Variants in GOLGA3 observed in about 807,000 individuals in gnomAD.
GOLGA3 encodes the protein golgin A3, also known as golgin subfamily A member 3.
Under a neutral mutation model 169.4 loss-of-function variants are expected in GOLGA3, and 75 were observed. The ratio of observed to expected loss-of-function variants is 0.44; its 90% CI spans 0.37 to 0.54. The LOEUF (loss-of-function observed/expected upper bound fraction) is 0.54. Ranked by LOEUF, GOLGA3 falls within the 20% of genes least tolerant of loss-of-function variation. The pLI is 0.00. For missense variants in GOLGA3, 1,899 were observed against 1,930.0 expected, an observed-to-expected ratio of 0.98 and a Z score of 0.30; for synonymous variants, 824 against 822.4, an observed-to-expected ratio of 1.00 and a Z score of -0.03.
chr12:132,774,668 A>C, intron 22 of GOLGA3: 1 of 401,154 alleles, frequency 2.5e-6, no homozygotes. Context: ...GAAATTAAGT[A>C]AGTTTTCCAG....
rs1555247700 is a variant in GOLGA3 at position 132,772,555 on chromosome 12, A to AAC, written c.*549_*550insGT. 2 of 151,842 alleles carry AAC rather than the reference A, an allele frequency of 1.3e-5. No individual in the cohort carries two copies. The highest frequency in any genetic ancestry group is 4.8e-5 in the African/African-American group (2 of 41,350). 9.4% of individuals were successfully genotyped at this position (151,842 alleles called of 1,614,324 possible). On this transcript the variant is annotated 3_prime_UTR_variant, in exon 24 of 24. Coordinates refer to ENST00000450791, the MANE Select transcript of GOLGA3 (RefSeq NM_001389683.1). ...CGAGACTCTGTCTCAAAAAAAAAAA[A>AAC]AAAAAAAAAACAAAGATTGGATTAT...
intron 1 of GOLGA3, among the ~76,000 whole-genome samples, chr12:132,825,189 G>A (rs553214883): frequency 5.9e-5 from 9 of 152,220 alleles, no homozygotes; most frequent in Middle Eastern, 3.4e-3. Context: ...GGAACCGACC[G>A]TGTGTGCCTA....
chr12:132,796,561 G>A lies in GOLGA3; in HGVS notation c.2078C>T (p.Ser693Phe). 3 of 1,612,040 alleles carry A rather than the reference G, an allele frequency of 1.9e-6. No individual in the cohort carries two copies. Among genetic ancestry groups the A allele is most frequent in the South Asian group, 1.1e-5 (1 of 91,066 alleles). ...TACCTGCTCCAGCTGCTGCTCCAGG[G>A]ATGCCGCCGAGTCCGCCATCCTCTG... ...RLQRMADSAA[S>F]LEQQLEQVKL... Residue 693 changes from serine (S) to phenylalanine (F), a missense_variant, in exon 10 of 24, where the codon TCC becomes TTC. Physicochemically the swap from Ser to Phe is radical, Grantham distance 155. Transcript: ENST00000450791.
At chr12:132,796,833 C>T in intron 9 of GOLGA3, 133 bp from the exon 10 acceptor site, 2 of 926,920 alleles carry the variant, frequency 2.2e-6, no homozygotes, top group Non-Finnish European at 3.3e-6. Context: ...TGTCTACCGA[C>T]TGCAGACTGA....
chr12:132,777,104 A>G lies in GOLGA3; in HGVS notation c.3723-14T>C, dbSNP rs1317279749. Reference sequence around the variant, plus strand: ...CCCTCCCGAATCCTAGCGTAAAAAAACAAGAAAGAAGGGAATCGCCACGCT... The same window carrying G: ...CCCTCCCGAATCCTAGCGTAAAAAAGCAAGAAAGAAGGGAATCGCCACGCT... On this transcript the variant is annotated splice_polypyrimidine_tract_variant and intron_variant, in intron 19 of 23. Transcript: ENST00000450791. This position sits in a 1 kb window ranked among gnomAD's most constrained non-coding sequence, Gnocchi z 4.7. 6.4e-6 allele frequency: 10 copies of G among 1,568,578 alleles called. No individual in the cohort carries two copies. The highest frequency in any genetic ancestry group is 8.6e-6 in the Non-Finnish European group (10 of 1,160,442).
At position 132,775,321 on chromosome 12, in the gene GOLGA3, T is replaced by C; in HGVS notation, c.3979-16A>G. 6.3e-7 allele frequency: 1 copy of C among 1,591,268 alleles called. No homozygotes were observed. Among genetic ancestry groups the C allele is most frequent in the Non-Finnish European group, 8.6e-7 (1 of 1,169,108 alleles). On this transcript the variant is annotated splice_polypyrimidine_tract_variant and intron_variant, in intron 21 of 23. Transcript: ENST00000450791. ...ACTTGACGTTCTGTGGAAAATGAAG[T>C]CAGATTTTTAAAAGCTAACAGATCT...
chr12:132,811,729 T>G, intron 4 of GOLGA3: 3 of 158,478 alleles, frequency 1.9e-5, no homozygotes, highest in Non-Finnish European at 2.7e-5. Flanking sequence ...CCCATAGTGC[T>G]GGGATTATAG....
chr12:132,784,332 C>T (rs1472639053), intron 15 of GOLGA3, 25 bp from the exon 16 acceptor site: 5 of 1,592,190 alleles, frequency 3.1e-6, no homozygotes, highest in Non-Finnish European at 4.3e-6. Flanking sequence ...GGAACGGGCG[C>T]TTGGTCATGG....
Position 132,772,961 on chromosome 12 carries a change from A to G in GOLGA3, c.*144T>C, listed in dbSNP as rs1338462628. On this transcript the variant is annotated 3_prime_UTR_variant, in exon 24 of 24. Coordinates refer to ENST00000450791, the MANE Select transcript of GOLGA3 (RefSeq NM_001389683.1). ...AATGTTTTTCTAGTCCTTGGCTCTC[A>G]TTCTGCTATATATTTTACTTCTTGT... The G allele has an allele frequency of 1.7e-6, 1 of 581,610 alleles. No homozygotes were observed. The highest frequency in any genetic ancestry group is 3.0e-6 in the Non-Finnish European group (1 of 334,838). 36.0% of individuals were successfully genotyped at this position (581,610 alleles called of 1,614,324 possible).
intron 8 of GOLGA3, among the ~76,000 whole-genome samples, chr12:132,799,832 C>T (rs1949043550): frequency 6.6e-6 from 1 of 152,068 alleles, no homozygotes; most frequent in Non-Finnish European, 1.5e-5. Flanking sequence ...CCTCTGCCTC[C>T]TGGATTCAAG....
chr12:132,821,408 GA>G (rs34162286), intron 2 of GOLGA3, among the ~76,000 whole-genome samples: 142,025 of 147,462 alleles, frequency 0.96, 68,588 homozygotes, highest in East Asian at 1. Context: ...ACTCCACGTC[GA>G]AAAAAAAAAA....
intron 12 of GOLGA3, among the ~76,000 whole-genome samples, chr12:132,789,610 C>T (rs1172025072): frequency 1.3e-5 from 2 of 152,192 alleles, no homozygotes; most frequent in Admixed American, 1.3e-4. Context: ...AGGTAATCCC[C>T]TTGCTTGTGG....
intron 7 of GOLGA3, among the ~76,000 whole-genome samples, chr12:132,803,091 C>CAA (rs201306486): frequency 9.5e-5 from 6 of 63,260 alleles, no homozygotes; most frequent in South Asian, 3.9e-4. Flanking sequence ...AACAAAACAA[C>CAA]AAAAAAAAAC....
At position 132,816,494 on chromosome 12, in the gene GOLGA3, C is replaced by T. The variant is rs370447629; in HGVS notation, c.406+46G>A. 45 of 1,584,298 alleles carry T rather than the reference C, an allele frequency of 2.8e-5. No individual in the cohort carries two copies. The African/African-American group carries it at 4.2e-4, about 15-fold the overall frequency. ...GGGCACCTGCTCCCAAGGGGCTGAG[C>T]GACGCGGACGTGGAGGGTGGGAAAA... On this transcript the variant is annotated intron_variant, in intron 3 of 23. Transcript: ENST00000450791.
At chr12:132,793,050 C>T (rs1439931815) in intron 11 of GOLGA3, among the ~76,000 whole-genome samples, 1 of 56,536 alleles carries the variant, frequency 1.8e-5, no homozygotes, top group Admixed American at 1.6e-4. Context: ...ACCCACCGCA[C>T]GGGACCCGCA....
chr12:132,773,778 C>G (rs995341956), intron 23 of GOLGA3, among the ~76,000 whole-genome samples: 2 of 150,224 alleles, frequency 1.3e-5, no homozygotes, highest in Non-Finnish European at 3.0e-5. Context: ...TTATATAAAC[C>G]GCAGAGGCTG....
chr12:132,810,713 A>G (rs1186843035), intron 4 of GOLGA3, among the ~76,000 whole-genome samples: 1 of 152,080 alleles, frequency 6.6e-6, no homozygotes, highest in Non-Finnish European at 1.5e-5. Context: ...CAAGCAGACC[A>G]TGGTCTAGCG....
intron 17 of GOLGA3, 112 bp downstream of exon 17, chr12:132,782,184 G>T: frequency 1.0e-6 from 1 of 994,604 alleles, no homozygotes; most frequent in Non-Finnish European, 1.6e-6. Context: ...GCTGCAGGCC[G>T]GGTGGGCTAG....
chr12:132,828,545 G>C (rs1362137066), intron 1 of GOLGA3: 1 of 152,328 alleles, frequency 6.6e-6, no homozygotes, highest in Non-Finnish European at 1.5e-5. Context: ...GCGCTCGTCG[G>C]GCGCAGACAA....
Sources: gnomAD v4.1 joint callset for allele counts (sites outside exome capture counted in the v4.1 genomes callset) on GRCh38, gnomAD v4.1.1 for gene constraint, Gnocchi (gnomAD v3.1) non-coding constraint, MANE v1.5 for transcripts, NCBI Gene and HGNC (gene_info 2026-07-23, HGNC 2026-07-21) for gene names.